Variants in DOCK5 observed in about 807,000 individuals in gnomAD.
DOCK5 encodes dedicator of cytokinesis protein 5.
In DOCK5, 142 loss-of-function variants were observed where a neutral mutation model predicts 251.8. That is an observed-to-expected ratio of 0.56 (90% CI 0.49 to 0.65). The LOEUF (loss-of-function observed/expected upper bound fraction) is 0.65, where lower values mean the gene tolerates loss of function less well. DOCK5 is among the 30% of genes least tolerant of loss of function. The pLI is 0.00. For missense variants in DOCK5, 2,111 were observed against 2,312.3 expected (o/e 0.91, Z 1.79); for synonymous variants, 842 against 835.5 (o/e 1.01, Z -0.13).
intron 40 of DOCK5, among the ~76,000 whole-genome samples, chr8:25,386,564 C>T (rs1445456592): frequency 1.3e-5 from 2 of 152,102 alleles, no homozygotes; most frequent in African/African-American, 4.8e-5. Context: ...AGCCACTGCA[C>T]TCCAGCCTGG....
chr8:25,369,791 A>G (rs1283349693), intron 34 of DOCK5, 150 bp downstream of exon 34: 1 of 572,812 alleles, frequency 1.7e-6, no homozygotes, highest in African/African-American at 1.9e-5. Context: ...TATGGGGTGT[A>G]TACTGTCCAC....
intron 1 of DOCK5, among the ~76,000 whole-genome samples, chr8:25,238,240 C>T (rs1456469453): frequency 6.6e-6 from 1 of 152,138 alleles, no homozygotes; most frequent in African/African-American, 2.4e-5. Flanking sequence ...CTGGCTTGGT[C>T]AAATGTGATG....
intron 2 of DOCK5, among the ~76,000 whole-genome samples, chr8:25,253,796 C>T (rs1260989518): frequency 6.6e-6 from 1 of 152,168 alleles, no homozygotes; most frequent in Non-Finnish European, 1.5e-5. Context: ...GGTAGGGAGA[C>T]TCAATGTCAA....
At chr8:25,195,046 G>A (rs1194103419) in intron 1 of DOCK5, among the ~76,000 whole-genome samples, 7 of 151,526 alleles carry the variant, frequency 4.6e-5, no homozygotes, top group African/African-American at 1.5e-4. Flanking sequence ...ATAGCCTCCC[G>A]AGTAGCTGGG....
At chr8:25,391,369 C>T (rs944060398) in intron 42 of DOCK5, among the ~76,000 whole-genome samples, 32 of 152,060 alleles carry the variant, frequency 2.1e-4, no homozygotes, top group African/African-American at 6.8e-4. Flanking sequence ...GCCACATATA[C>T]CTTTTAAAAT....
chr8:25,380,916 C>T (rs1208385800), intron 39 of DOCK5, among the ~76,000 whole-genome samples: 2 of 149,550 alleles, frequency 1.3e-5, no homozygotes, highest in African/African-American at 5.0e-5. Flanking sequence ...CCAGTGGAGG[C>T]AGCACCATTC....
chr8:25,415,497 G>T lies in DOCK5; in HGVS notation c.*4199G>T, dbSNP rs779109925. On this transcript the variant is annotated 3_prime_UTR_variant, in exon 52 of 52. Coordinates refer to ENST00000276440, the MANE Select transcript of DOCK5 (RefSeq NM_024940.8). The stretch of plus-strand genomic sequence containing the variant: ...CTCTGACGCCTAGGATCTAGCCAAG[G>T]CTGGTCTGCAGTATCAGATGTCCAA... 1 of 152,138 alleles carries T rather than the reference G, an allele frequency of 6.6e-6. No individual in the cohort carries two copies. Among genetic ancestry groups the T allele is most frequent in the Non-Finnish European group, 1.5e-5 (1 of 68,026 alleles). The allele number at this position is 152,138 out of a possible 1,614,324, so 9.4% of individuals were successfully genotyped here. A position where few individuals can be genotyped will look rare whatever the true frequency, so the allele number is the denominator to read the frequency against.
Position 25,278,558 on chromosome 8 carries a change from G to A in DOCK5, c.225-11G>A, listed in dbSNP as rs1304390916. The A allele has an allele frequency of 6.2e-7, 1 of 1,613,756 alleles. No individual in the cohort carries two copies. Among genetic ancestry groups the A allele is most frequent in the Non-Finnish European group, 8.5e-7 (1 of 1,179,748 alleles). Reference sequence around the variant, plus strand: ...CCTAGAAGAAAGTGACCCTCGTTTGGTTCTTTGTAGGCAGCATGAAACCGT... The same window carrying A: ...CCTAGAAGAAAGTGACCCTCGTTTGATTCTTTGTAGGCAGCATGAAACCGT... On this transcript the variant is annotated splice_polypyrimidine_tract_variant and intron_variant, in intron 4 of 51. Transcript: ENST00000276440.
chr8:25,377,551 G>C, intron 38 of DOCK5, 127 bp downstream of exon 38: 10 of 1,219,372 alleles, frequency 8.2e-6, no homozygotes, highest in Non-Finnish European at 1.1e-5. Flanking sequence ...TCTCCAACGA[G>C]ACTGCCCCCG....
intron 1 of DOCK5, among the ~76,000 whole-genome samples, chr8:25,191,542 C>A (rs1012300686): frequency 6.6e-6 from 1 of 152,096 alleles, no homozygotes; most frequent in African/African-American, 2.4e-5. Flanking sequence ...ATAGATGTCA[C>A]CCACATAGAA....
intron 27 of DOCK5, among the ~76,000 whole-genome samples, chr8:25,355,615 A>G (rs1315831627): frequency 6.6e-6 from 1 of 151,964 alleles, no homozygotes; most frequent in African/African-American, 2.4e-5. Context: ...ACACCCAGCT[A>G]ATTTTTGTAT....
chr8:25,409,981 T>C (rs780272452), intron 50 of DOCK5, 118 bp from the exon 51 acceptor site: 40 of 756,404 alleles, frequency 5.3e-5, no homozygotes, highest in Non-Finnish European at 8.0e-5. Context: ...AACCATAGAA[T>C]GTGGCTTTCA....
chr8:25,243,522 G>T (rs1359463965), intron 1 of DOCK5, among the ~76,000 whole-genome samples, 152 bp from the exon 2 acceptor site: 1 of 151,818 alleles, frequency 6.6e-6, no homozygotes, highest in Non-Finnish European at 1.5e-5. Context: ...GTAGAGATGG[G>T]GTTTCACCAT....
At chr8:25,261,925 T>TC (rs1803595565) in intron 2 of DOCK5, among the ~76,000 whole-genome samples, 1 of 152,218 alleles carries the variant, frequency 6.6e-6, no homozygotes, top group African/African-American at 2.4e-5. Flanking sequence ...ATGTTGCACA[T>TC]CCGTAGTTCA....
At chr8:25,201,974 T>G (rs1235080181) in intron 1 of DOCK5, among the ~76,000 whole-genome samples, 1 of 152,310 alleles carries the variant, frequency 6.6e-6, no homozygotes, top group African/African-American at 2.4e-5. Context: ...AGAAATGGCC[T>G]TATCTTGCAA....
chr8:25,305,345 G>A (rs1454604196), intron 11 of DOCK5: 1 of 150,162 alleles, frequency 6.7e-6, no homozygotes, highest in Non-Finnish European at 1.5e-5. Flanking sequence ...TTAAGATCCC[G>A]AAGTTAGATT....
At chr8:25,201,841 A>G (rs776149314) in intron 1 of DOCK5, among the ~76,000 whole-genome samples, 1 of 152,194 alleles carries the variant, frequency 6.6e-6, no homozygotes, top group Non-Finnish European at 1.5e-5. Flanking sequence ...TAGCCTGGCA[A>G]TCAGGTGCCT....
At chr8:25,387,821 C>G (rs1248545168) in intron 40 of DOCK5, among the ~76,000 whole-genome samples, 2 of 152,192 alleles carry the variant, frequency 1.3e-5, no homozygotes, top group African/African-American at 4.8e-5. Flanking sequence ...CTGTCTATGC[C>G]CATCTAAGGC....
intron 1 of DOCK5, among the ~76,000 whole-genome samples, chr8:25,204,560 C>T (rs1327517303): frequency 3.3e-5 from 5 of 152,198 alleles, no homozygotes; most frequent in African/African-American, 1.2e-4. Context: ...CTGCTAGGAT[C>T]TAAAGTTGAC....
Sources: allele counts gnomAD v4.1 joint callset (sites outside exome capture counted in the v4.1 genomes callset), GRCh38; gene constraint gnomAD v4.1.1; transcripts MANE v1.5; gene names NCBI Gene and HGNC (gene_info 2026-07-23, HGNC 2026-07-21).